The following ARFGEF3 variants were observed in gnomAD, a reference collection of about 807,000 sequenced individuals.
ARFGEF3 encodes brefeldin A-inhibited guanine nucleotide-exchange protein 3.
A neutral mutation model predicts 221.7 loss-of-function variants in ARFGEF3; 96 were observed. The ratio of observed to expected loss-of-function variants is 0.43; its 90% confidence interval spans 0.37 to 0.51. ARFGEF3 has a LOEUF of 0.51. Among genes scored for constraint, ARFGEF3 ranks in the 20% least tolerant of loss-of-function variants. The probability of loss-of-function intolerance (pLI) is 0.00; values close to 1 mark genes in which losing one functional copy is unlikely to be tolerated. For synonymous variants in ARFGEF3, 1,145 were observed against 1,126.8 expected (o/e 1.02, Z -0.32); for missense variants, 2,410 against 2,789.9 (o/e 0.86, Z 3.07).
intron 3 of ARFGEF3, among the ~76,000 whole-genome samples, chr6:138,208,542 C>T (rs1309732865): frequency 3.3e-5 from 5 of 152,152 alleles, no homozygotes; most frequent in African/African-American, 7.2e-5. Flanking sequence ...GGCTGCAACT[C>T]GAAGCCCCTT....
rs1193362043 is a variant in ARFGEF3 at position 138,162,762 on chromosome 6, T to C, written c.85+591T>C. 1.3e-5 allele frequency among the ~76,000 whole-genome samples: 2 copies of C among 152,150 alleles called. No homozygotes were observed. The highest frequency in any genetic ancestry group is 4.8e-5 in the African/African-American group (2 of 41,426). On this transcript the variant is annotated intron_variant, in intron 1 of 33. Transcript: ENST00000251691. The surrounding 1 kb of genome is among the most constrained non-coding windows in gnomAD (Gnocchi z 4.7). ...TTTAGGGCTGTGAGCTGTGCTAGCG[T>C]TGAAGTAAGTTCCAGGGAGCAAATT...
intron 19 of ARFGEF3, among the ~76,000 whole-genome samples, chr6:138,292,944 C>G (rs9484139): frequency 0.011 from 1,661 of 152,270 alleles, 25 homozygotes; most frequent in African/African-American, 0.038. Context: ...TGTTTTCTTA[C>G]TAGGAAGGAG....
chr6:138,165,728 G>C (rs1004387272), intron 1 of ARFGEF3, among the ~76,000 whole-genome samples: 3 of 151,668 alleles, frequency 2.0e-5, no homozygotes, highest in Non-Finnish European at 4.4e-5. Context: ...ACTCATGAGA[G>C]ACTGAGACTG....
At chr6:138,224,259 A>G (rs11755292) in intron 4 of ARFGEF3, among the ~76,000 whole-genome samples, 1,721 of 152,376 alleles carry the variant, frequency 0.011, 16 homozygotes, top group Non-Finnish European at 0.018. Flanking sequence ...GGGAAATATC[A>G]GAAATGTCTC....
chr6:138,202,027 G>C (rs902302798), intron 2 of ARFGEF3, among the ~76,000 whole-genome samples: 4 of 152,118 alleles, frequency 2.6e-5, no homozygotes, highest in Non-Finnish European at 5.9e-5. Context: ...ATCACAGTGC[G>C]GATGATGCCT....
At chr6:138,175,746 T>A (rs968461508) in intron 2 of ARFGEF3, among the ~76,000 whole-genome samples, 11 of 152,184 alleles carry the variant, frequency 7.2e-5, no homozygotes, top group Non-Finnish European at 1.5e-4. Context: ...ATTGTGTAAA[T>A]GTCTGTTAGG....
chr6:138,251,030 C>T (rs1027426052), intron 8 of ARFGEF3, among the ~76,000 whole-genome samples: 49 of 152,148 alleles, frequency 3.2e-4, no homozygotes, highest in African/African-American at 1.0e-3. Context: ...AATGGTGTGA[C>T]TCATGCATGG....
chr6:138,167,851 G>A (rs1169979795), intron 1 of ARFGEF3, among the ~76,000 whole-genome samples: 2 of 152,100 alleles, frequency 1.3e-5, no homozygotes, highest in East Asian at 3.9e-4. Context: ...CATCCCATTA[G>A]GATAAAAACA....
intron 12 of ARFGEF3, among the ~76,000 whole-genome samples, chr6:138,265,185 G>A (rs972031755): frequency 2.6e-5 from 4 of 152,168 alleles, no homozygotes; most frequent in South Asian, 2.1e-4. Context: ...TTACAGGCAT[G>A]AGCCACTGCG....
chr6:138,312,155 C>CA (rs1001695973), intron 25 of ARFGEF3, among the ~76,000 whole-genome samples: 9 of 151,246 alleles, frequency 6.0e-5, no homozygotes, highest in South Asian at 2.1e-4. Context: ...GACTCTGTCT[C>CA]AAAAAAAAAT....
intron 2 of ARFGEF3, among the ~76,000 whole-genome samples, chr6:138,182,169 A>T (rs1281384261): frequency 6.6e-6 from 1 of 152,328 alleles, no homozygotes; most frequent in African/African-American, 2.4e-5. Flanking sequence ...AAGCTCCTTG[A>T]GCCAGTCCAG....
At chr6:138,245,953 C>G (rs1156576551) in intron 8 of ARFGEF3, among the ~76,000 whole-genome samples, 2 of 152,208 alleles carry the variant, frequency 1.3e-5, no homozygotes, top group Admixed American at 1.3e-4. Context: ...CGGTGCCTGA[C>G]TCTTCTCATC....
intron 23 of ARFGEF3, among the ~76,000 whole-genome samples, chr6:138,308,074 A>G (rs919769214): frequency 3.3e-5 from 5 of 152,202 alleles, no homozygotes; most frequent in Admixed American, 6.5e-5. Context: ...CATGTTTGCA[A>G]TGTTTCTGCC....
At chr6:138,279,394 C>T (rs1410616067) in intron 13 of ARFGEF3, among the ~76,000 whole-genome samples, 1 of 152,210 alleles carries the variant, frequency 6.6e-6, no homozygotes, top group African/African-American at 2.4e-5. Flanking sequence ...GAACTAAGCT[C>T]ACTGGCTGTT....
chr6:138,210,000 ACGC>A lies in ARFGEF3; in HGVS notation c.312_314del (p.Pro105del). ...TCAGATACTGAATGCCGTGAAAGTGACGCCTTCGCTCAACGAGGACCTGCAGGT... is the reference window on the plus strand; with the variant it reads ...TCAGATACTGAATGCCGTGAAAGTGACTTCGCTCAACGAGGACCTGCAGGT... On this transcript the variant is annotated inframe_deletion, in exon 4 of 34. Coordinates refer to ENST00000251691, the MANE Select transcript of ARFGEF3 (RefSeq NM_020340.5). The A allele has an allele frequency of 6.2e-7, 1 of 1,613,854 alleles. No homozygotes were observed. The highest frequency in any genetic ancestry group is 8.5e-7 in the Non-Finnish European group (1 of 1,179,800).
At chr6:138,299,205 A>AAAAAAAC (rs1779582589) in intron 22 of ARFGEF3, among the ~76,000 whole-genome samples, 1 of 138,494 alleles carries the variant, frequency 7.2e-6, no homozygotes, top group African/African-American at 3.4e-5. Context: ...CTGTAAAAAA[A>AAAAAAAC]AAAAAAAAAA....
rs1476487343 is a variant in ARFGEF3 at position 138,334,376 on chromosome 6, G to A, written c.5530G>A (p.Asp1844Asn). 6.2e-7 allele frequency: 1 copy of A among 1,613,500 alleles called. No homozygotes were observed. The highest frequency in any genetic ancestry group is 1.1e-5 in the South Asian group (1 of 90,908). Residue 1844 changes from aspartate to asparagine, a missense_variant, in exon 33 of 34, where the codon GAC (aspartate) becomes AAC (asparagine). Physicochemically the swap from Asp to Asn is conservative, Grantham distance 23. Transcript: ENST00000251691. This position sits in a 1 kb window ranked among gnomAD's most constrained non-coding sequence, Gnocchi z 5.1. ...AEQVKKVLFE[D>N]DERSTDSSQQ... ...GCAAGTGAAGAAGGTCCTTTTTGAG[G>A]ACGACGAGAGAAGCACGGATTCTTC...
intron 4 of ARFGEF3, among the ~76,000 whole-genome samples, chr6:138,218,823 G>A (rs7768738): frequency 0.19 from 29,120 of 151,960 alleles, 4,148 homozygotes; most frequent in African/African-American, 0.38. Context: ...TGTTATCTGG[G>A]GCATACCAAT....
chr6:138,331,031 T>TC (rs1780218389), intron 32 of ARFGEF3, among the ~76,000 whole-genome samples: 1 of 152,218 alleles, frequency 6.6e-6, no homozygotes, highest in African/African-American at 2.4e-5. Flanking sequence ...TTTTCCTATT[T>TC]CTAATTCACA....
Sources: gnomAD v4.1 joint callset for allele counts (sites outside exome capture counted in the v4.1 genomes callset) on GRCh38, gnomAD v4.1.1 for gene constraint, Gnocchi (gnomAD v3.1) non-coding constraint, MANE v1.5 for transcripts, NCBI Gene and HGNC (gene_info 2026-07-23, HGNC 2026-07-21) for gene names.